Variants in MEF2C observed in about 807,000 individuals in gnomAD.
MEF2C encodes the protein myocyte-specific enhancer factor 2C.
A neutral mutation model predicts 50.5 loss-of-function variants in MEF2C; 6 were observed. The ratio of observed to expected loss-of-function variants is 0.12; its 90% confidence interval spans 0.07 to 0.23. The LOEUF is 0.23. MEF2C is among the 10% of genes least tolerant of loss of function. MEF2C has a pLI of 1.00. For synonymous variants in MEF2C, 183 were observed against 228.0 expected (o/e 0.80, Z 1.78); for missense variants, 276 against 605.0 (o/e 0.46, Z 5.70).
At chr5:88,892,677 T>G (rs950246270) in intron 1 of MEF2C, among the ~76,000 whole-genome samples, 8 of 152,186 alleles carry the variant, frequency 5.3e-5, no homozygotes, top group Non-Finnish European at 7.3e-5. Context: ...TTTTCTTTTT[T>G]GGGGGGATGC....
At chr5:88,760,729 T>G (rs1248852648) in intron 4 of MEF2C, among the ~76,000 whole-genome samples, 1 of 152,230 alleles carries the variant, frequency 6.6e-6, no homozygotes, top group Non-Finnish European at 1.5e-5. Context: ...TGTGTAAATT[T>G]ACGGTGTGTC....
At chr5:88,814,437 T>C (rs1036353818) in intron 2 of MEF2C, among the ~76,000 whole-genome samples, 1 of 152,014 alleles carries the variant, frequency 6.6e-6, no homozygotes, top group African/African-American at 2.4e-5. Context: ...CACGTGCTTG[T>C]AACCCTCCAG....
intron 1 of MEF2C, among the ~76,000 whole-genome samples, chr5:88,833,398 A>C (rs934030303): frequency 6.6e-6 from 1 of 152,168 alleles, no homozygotes; most frequent in Non-Finnish European, 1.5e-5. Context: ...TCTGCTAAAA[A>C]GGGCAAACCC....
At chr5:88,850,964 T>A in intron 1 of MEF2C, among the ~76,000 whole-genome samples, 1 of 152,110 alleles carries the variant, frequency 6.6e-6, no homozygotes, top group East Asian at 1.9e-4. Context: ...ATTTTCTCTT[T>A]TCTATGATTT....
At chr5:88,772,580 A>G (rs943781492) in intron 3 of MEF2C, 3 of 292,124 alleles carry the variant, frequency 1.0e-5, no homozygotes, top group Non-Finnish European at 1.5e-5. Flanking sequence ...AGTTATTTCT[A>G]TTCTTCAATT....
intron 1 of MEF2C, among the ~76,000 whole-genome samples, chr5:88,845,127 T>C (rs1316538581): frequency 6.6e-6 from 1 of 152,210 alleles, no homozygotes; most frequent in Admixed American, 6.5e-5. Flanking sequence ...AATTCCATGT[T>C]AATTAATTTG....
At chr5:88,784,441 A>C (rs768984425) in intron 3 of MEF2C, among the ~76,000 whole-genome samples, 5 of 152,242 alleles carry the variant, frequency 3.3e-5, no homozygotes, top group Non-Finnish European at 5.9e-5. Context: ...TGTTTAAGAT[A>C]AAATGCTACT....
intron 6 of MEF2C, chr5:88,734,586 T>TTTTTTTTTTTTTTTTTTTTTTTA (rs1763275632): frequency 1.1e-6 from 1 of 940,212 alleles, no homozygotes; most frequent in Non-Finnish European, 1.3e-6. Flanking sequence ...TTTTTTTTTT[T>TTTTTTTTTTTTTTTTTTTTTTTA]TTTTTTTTTT....
intron 10 of MEF2C, among the ~76,000 whole-genome samples, chr5:88,727,940 A>G (rs1759639638): frequency 6.6e-6 from 1 of 152,046 alleles, no homozygotes. Context: ...ACATAAAACA[A>G]AAATTATTTT....
intron 1 of MEF2C, among the ~76,000 whole-genome samples, chr5:88,852,292 G>A (rs969955061): frequency 6.6e-6 from 1 of 152,072 alleles, no homozygotes; most frequent in Non-Finnish European, 1.5e-5. Flanking sequence ...TGTTAGAAAA[G>A]CACACACCTA....
intron 1 of MEF2C, among the ~76,000 whole-genome samples, chr5:88,874,624 G>A (rs1316521923): frequency 6.6e-6 from 1 of 151,664 alleles, no homozygotes; most frequent in Non-Finnish European, 1.5e-5. Flanking sequence ...AATTTATCGG[G>A]AACATTTGCA....
intron 6 of MEF2C, among the ~76,000 whole-genome samples, chr5:88,745,660 A>T (rs112523586): frequency 1.4e-4 from 21 of 150,862 alleles, no homozygotes; most frequent in African/African-American, 2.4e-4. Context: ...GAAAAAAATT[A>T]AAAAATTAGC....
At chr5:88,804,568 G>A in intron 3 of MEF2C, 30 bp downstream of exon 3, 6 of 1,610,026 alleles carry the variant, frequency 3.7e-6, no homozygotes, top group Non-Finnish European at 5.1e-6. Context: ...GCTTGCGGAG[G>A]CTTGGGGCTC....
At chr5:88,869,765 C>G (rs576443522) in intron 1 of MEF2C, among the ~76,000 whole-genome samples, 1 of 148,932 alleles carries the variant, frequency 6.7e-6, no homozygotes, top group African/African-American at 2.5e-5. Context: ...GAAATCTTAA[C>G]GAACAAAAAT....
chr5:88,788,165 A>AGTTTGTTTGTTT (rs74982864), intron 3 of MEF2C, among the ~76,000 whole-genome samples: 3 of 142,914 alleles, frequency 2.1e-5, no homozygotes, highest in African/African-American at 7.8e-5. Flanking sequence ...CCATCATGCC[A>AGTTTGTTTGTTT]GTTTGTTTGT....
rs1156745800 is a variant in MEF2C at position 88,722,664 on chromosome 5, C to G, written c.1362G>C (p.Pro454=). The change falls in exon 11 of 11, where the codon CCG becomes CCC. Residue 454 remains proline, a synonymous_variant. Coordinates refer to ENST00000504921, the MANE Select transcript of MEF2C (RefSeq NM_002397.5). ...TGACTGAGGGACTTTCCCTTTCGTC[C>G]GGCGAAGGTCTGGTGAGTCCAATGG... ...HSPIGLTRPS[P]DERESPSVKR... The G allele has an allele frequency of 1.2e-6, 2 of 1,613,786 alleles. No homozygotes were observed. Among genetic ancestry groups the G allele is most frequent in the Non-Finnish European group, 1.7e-6 (2 of 1,179,872 alleles).
chr5:88,785,678 C>T (rs1174009641), intron 3 of MEF2C: 1 of 152,122 alleles, frequency 6.6e-6, no homozygotes, highest in Non-Finnish European at 1.5e-5. Flanking sequence ...AATTATTACA[C>T]GACGTACATT....
rs771206515 is a variant in MEF2C, at chr5:88,751,954, C to T, written c.492G>A (p.Leu164=). ...CCAGTGGCAATAGGTTGGGGTTTCC[C>T]AGTGAGCTGACAGGGTTGCTGTACA... ...SLVYSNPVSS[L]GNPNLLPLAH... The change falls in exon 5 of 11, where the codon CTG becomes CTA. Residue 164 remains leucine (L), a synonymous_variant. Transcript: ENST00000504921. 6.2e-7 allele frequency: 1 copy of T among 1,613,996 alleles called. No homozygotes were observed. The highest frequency in any genetic ancestry group is 2.2e-5 in the East Asian group (1 of 44,890).
intron 1 of MEF2C, among the ~76,000 whole-genome samples, chr5:88,896,251 A>G (rs1835104654): frequency 6.6e-6 from 1 of 152,160 alleles, no homozygotes; most frequent in East Asian, 1.9e-4. Context: ...CTCTTTTTCT[A>G]TTCCCTCTTT....
Sources: allele counts gnomAD v4.1 joint callset (sites outside exome capture counted in the v4.1 genomes callset), GRCh38; gene constraint gnomAD v4.1.1; transcripts MANE v1.5; gene names NCBI Gene and HGNC (gene_info 2026-07-23, HGNC 2026-07-21).